Variants in SNTG2 observed in about 807,000 individuals in gnomAD.
The protein encoded by SNTG2 is gamma-2-syntrophin.
SNTG2 carries 74 observed loss-of-function variants against 70.9 expected under a neutral mutation model. That is an observed-to-expected ratio of 1.04 (90% confidence interval 0.86 to 1.27). The LOEUF (loss-of-function observed/expected upper bound fraction) is 1.27, where lower values mean the gene tolerates loss of function less well. SNTG2 is among the 50% of genes most tolerant of loss of function. The pLI, the probability that SNTG2 is intolerant of heterozygous loss-of-function variation, is 0.00. For synonymous variants in SNTG2, 278 were observed against 273.8 expected, an observed-to-expected ratio of 1.02 and a Z score of -0.15; for missense variants, 717 against 690.7, an observed-to-expected ratio of 1.04 and a Z score of -0.43.
At chr2:1,183,319 C>T in intron 8 of SNTG2, among the ~76,000 whole-genome samples, 1 of 150,730 alleles carries the variant, frequency 6.6e-6, no homozygotes, top group Non-Finnish European at 1.5e-5. Context: ...TTCATTTGTG[C>T]ACATGTCTTT....
intron 1 of SNTG2, among the ~76,000 whole-genome samples, chr2:1,047,906 T>C (rs1239734740): frequency 6.6e-6 from 1 of 152,032 alleles, no homozygotes; most frequent in Non-Finnish European, 1.5e-5. Context: ...TTTTAAAGTG[T>C]CACCGCTTAG....
chr2:1,337,400 G>A (rs1166168480), intron 16 of SNTG2, among the ~76,000 whole-genome samples: 4 of 152,112 alleles, frequency 2.6e-5, no homozygotes, highest in African/African-American at 9.7e-5. Context: ...GATGGTAAAT[G>A]TTATCTCACT....
At chr2:1,248,266 A>G (rs1677553259) in intron 12 of SNTG2, among the ~76,000 whole-genome samples, 1 of 152,194 alleles carries the variant, frequency 6.6e-6, no homozygotes, top group African/African-American at 2.4e-5. Flanking sequence ...ATTTATGGAA[A>G]AGCTGCACAT....
intron 6 of SNTG2, among the ~76,000 whole-genome samples, chr2:1,140,664 C>G (rs912690782): frequency 6.6e-6 from 1 of 152,232 alleles, no homozygotes; most frequent in Admixed American, 6.5e-5. Flanking sequence ...CTGTAATCAC[C>G]CCAGGATATC....
chr2:951,895 C>G (rs1659981642), intron 1 of SNTG2, among the ~76,000 whole-genome samples: 1 of 152,118 alleles, frequency 6.6e-6, no homozygotes, highest in Admixed American at 6.5e-5. Context: ...AGCTCCCAGT[C>G]CCAGGAGCGA....
intron 16 of SNTG2, among the ~76,000 whole-genome samples, chr2:1,359,383 G>C (rs574275060): frequency 1.3e-5 from 2 of 152,204 alleles, no homozygotes; most frequent in East Asian, 3.9e-4. Context: ...GATGTTGGGT[G>C]CATATTTATT....
At chr2:996,682 T>TG (rs1467560200) in intron 1 of SNTG2, among the ~76,000 whole-genome samples, 1 of 124,350 alleles carries the variant, frequency 8.0e-6, no homozygotes, top group East Asian at 3.1e-4. Context: ...AGTTTTTTTT[T>TG]TTTTTTTTTT....
chr2:1,262,009 C>T (rs1332269709), intron 13 of SNTG2, among the ~76,000 whole-genome samples: 1 of 152,136 alleles, frequency 6.6e-6, no homozygotes, highest in African/African-American at 2.4e-5. Context: ...CTCCACGGAT[C>T]TTCGGGGTAG....
intron 6 of SNTG2, among the ~76,000 whole-genome samples, chr2:1,144,040 G>A (rs982672525): frequency 1.3e-5 from 2 of 152,128 alleles, no homozygotes; most frequent in African/African-American, 4.8e-5. Flanking sequence ...TGGCTCTCAG[G>A]ACACGCTGGG....
chr2:1,123,253 G>A (rs1043932093), intron 4 of SNTG2, among the ~76,000 whole-genome samples: 1 of 151,986 alleles, frequency 6.6e-6, no homozygotes, highest in Admixed American at 6.5e-5. Flanking sequence ...GACCCTGAAT[G>A]GCCAAACAGT....
intron 14 of SNTG2, among the ~76,000 whole-genome samples, chr2:1,282,633 C>A (rs528733386): frequency 6.6e-6 from 1 of 152,164 alleles, no homozygotes; most frequent in African/African-American, 2.4e-5. Flanking sequence ...GCCGCCTCCC[C>A]CGCACAGCGC....
intron 8 of SNTG2, among the ~76,000 whole-genome samples, chr2:1,177,586 G>T (rs1324368528): frequency 6.6e-6 from 1 of 151,898 alleles, no homozygotes; most frequent in Non-Finnish European, 1.5e-5. Context: ...AGAGAAGCTA[G>T]AGGAAATGAA....
intron 14 of SNTG2, among the ~76,000 whole-genome samples, chr2:1,307,353 C>T (rs931383236): frequency 3.5e-5 from 5 of 143,172 alleles, no homozygotes; most frequent in Admixed American, 7.0e-5. Context: ...GAGCCATGCA[C>T]TCTGTATGTG....
intron 1 of SNTG2, among the ~76,000 whole-genome samples, chr2:962,517 T>G (rs2147947074): frequency 6.6e-6 from 1 of 152,346 alleles, no homozygotes; most frequent in South Asian, 2.1e-4. Context: ...CTGGAGTAGC[T>G]GCATTTGAAA....
At chr2:982,622 C>G (rs994081623) in intron 1 of SNTG2, among the ~76,000 whole-genome samples, 10 of 152,150 alleles carry the variant, frequency 6.6e-5, no homozygotes, top group African/African-American at 2.4e-4. Context: ...CATGAACACC[C>G]TTCATATTAA....
At chr2:1,117,587 C>T (rs115659713) in intron 4 of SNTG2, among the ~76,000 whole-genome samples, 1,579 of 152,248 alleles carry the variant, frequency 0.01, 24 homozygotes, top group African/African-American at 0.036. Flanking sequence ...GATGAGGTAG[C>T]TCAGTTCCCC....
rs1052333072 is a variant in SNTG2, at chr2:1,046,313, A to G, written c.73-37205A>G. Among the ~76,000 whole-genome samples the G allele has an allele frequency of 2.0e-5, 3 of 152,068 alleles. No individual in the cohort carries two copies. The South Asian group carries it at 6.2e-4, about 32-fold the overall frequency. On this transcript the variant is annotated intron_variant, in intron 1 of 16. Transcript: ENST00000308624. ...TTTGTTTAGGTGTTGCTTTTATCCA[A>G]CTTGCCATCTGTGCCTTTTTAATGG...
chr2:1,136,875 T>C (rs1668418901), intron 4 of SNTG2, among the ~76,000 whole-genome samples: 1 of 152,202 alleles, frequency 6.6e-6, no homozygotes, highest in African/African-American at 2.4e-5. Context: ...ATATTCTAGG[T>C]ACAGTTGTTT....
At chr2:1,236,720 A>G (rs1676683288) in intron 9 of SNTG2, among the ~76,000 whole-genome samples, 1 of 152,218 alleles carries the variant, frequency 6.6e-6, no homozygotes, top group South Asian at 2.1e-4. Flanking sequence ...AATATGCAGA[A>G]CTGTGTTATA....
Sources: allele counts gnomAD v4.1 joint callset (sites outside exome capture counted in the v4.1 genomes callset), GRCh38; gene constraint gnomAD v4.1.1; transcripts MANE v1.5; gene names NCBI Gene and HGNC (gene_info 2026-07-23, HGNC 2026-07-21).